PFKFB3: variants seen among roughly 807,000 people sequenced by gnomAD.
PFKFB3 encodes the protein 6-phosphofructo-2-kinase/fructose-2,6-bisphosphatase 3.
In PFKFB3, 33 loss-of-function variants were observed where a neutral mutation model predicts 68.0. The ratio of observed to expected loss-of-function variants is 0.49; its 90% CI spans 0.37 to 0.65. PFKFB3 has a LOEUF of 0.65. Ranked by LOEUF, PFKFB3 falls within the 30% of genes least tolerant of loss-of-function variation. PFKFB3 has a pLI of 0.00. For missense variants in PFKFB3, 586 were observed against 712.2 expected (o/e 0.82, Z 2.02); for synonymous variants, 315 against 288.2 (o/e 1.09, Z -0.94).
At chr10:6,161,205 G>T (rs1473560235) in intron 1 of PFKFB3, among the ~76,000 whole-genome samples, 1 of 152,166 alleles carries the variant, frequency 6.6e-6, no homozygotes, top group Non-Finnish European at 1.5e-5. Flanking sequence ...CAAAGTGCTG[G>T]AATTACAGGT....
At chr10:6,198,753 G>A (rs1843242322), upstream of PFKFB3, among the ~76,000 whole-genome samples, 1 of 152,252 alleles carries the variant, frequency 6.6e-6, no homozygotes, top group Admixed American at 6.5e-5. Context: ...AAAGTACTGG[G>A]ATTACAGGCG....
the PFKFB3 span, among the ~76,000 whole-genome samples, chr10:6,268,323 G>T: frequency 6.6e-6 from 1 of 152,132 alleles, no homozygotes; most frequent in African/African-American, 2.4e-5. Context: ...CTCATGCTAG[G>T]AACCTTTTTG....
chr10:6,208,267 G>T (rs925287653), intron 1 of PFKFB3, among the ~76,000 whole-genome samples: 2 of 151,082 alleles, frequency 1.3e-5, no homozygotes, highest in Admixed American at 6.6e-5. Flanking sequence ...CACAAACGGG[G>T]TCTCTCTATG....
chr10:6,203,481 C>A (rs1231486131), intron 1 of PFKFB3, 145 bp downstream of exon 1: 2 of 276,952 alleles, frequency 7.2e-6, no homozygotes, highest in Non-Finnish European at 1.2e-5. Context: ...GCGCGGGCTG[C>A]GCGTCCTTGG....
the PFKFB3 span, among the ~76,000 whole-genome samples, chr10:6,296,260 A>C: frequency 6.7e-6 from 1 of 149,958 alleles, no homozygotes; most frequent in South Asian, 2.1e-4. Context: ...GTAGACTGAG[A>C]TGTGTACCCA....
chr10:6,243,259 G>T (rs552753072), intron 14 of PFKFB3, among the ~76,000 whole-genome samples: 5 of 152,168 alleles, frequency 3.3e-5, no homozygotes, highest in Admixed American at 6.5e-5. Flanking sequence ...CGGAACTGCC[G>T]CACGTCCCAA....
downstream of PFKFB3, among the ~76,000 whole-genome samples, chr10:6,237,025 C>G (rs1846027732): frequency 1.3e-5 from 2 of 152,214 alleles, no homozygotes; most frequent in South Asian, 4.1e-4. Flanking sequence ...TTAGCTCCGG[C>G]CACACTGGCC....
chr10:6,263,941 C>A, the PFKFB3 span, among the ~76,000 whole-genome samples: 1 of 152,220 alleles, frequency 6.6e-6, no homozygotes, highest in African/African-American at 2.4e-5. Flanking sequence ...CAGCATTGGC[C>A]TCCCAAAGTG....
rs1423167555 is a variant in PFKFB3, at chr10:6,222,970, T to C, written c.1199T>C (p.Leu400Pro). 6.2e-7 allele frequency: 1 copy of C among 1,613,350 alleles called. No homozygotes were observed. ...AVLRCLLAYF[L>P]DKSAEEMPYL... ...CTGCGCTGCCTGCTTGCCTACTTCC[T>C]GGATAAGAGTGCAGGTACCTCGGGC... The change falls in exon 11 of 15, where the codon CTG becomes CCG. Residue 400 changes from leucine (L) to proline (P), a missense_variant. Leu to Pro is a moderately conservative substitution (Grantham distance 98). Transcript: ENST00000379775.
In PFKFB3 at chr10:6,173,526, C is replaced by T. The variant is rs116620144; in HGVS notation, c.16+28513C>T. Among the ~76,000 whole-genome samples the T allele has an allele frequency of 7.5e-3, 1,141 of 152,176 alleles. 22 individuals carry two copies. The highest frequency in any genetic ancestry group is 0.026 in the African/African-American group (1,086 of 41,498). The stretch of plus-strand genomic sequence containing the variant: ...CGGGAAACACACACCCCTTCCCCCA[C>T]CTATATATGCTCACGTGAAAAGGTG... On this transcript the variant is annotated intron_variant, in intron 1 of 14. Transcript: ENST00000379789.
rs1039138142 is a variant in PFKFB3, at chr10:6,154,173, G to A, written c.16+9160G>A. On this transcript the variant is annotated intron_variant, in intron 1 of 14. Transcript: ENST00000379789. This position sits in a 1 kb window ranked among gnomAD's most constrained non-coding sequence, Gnocchi z 4.6. ...GCTCAGCACGTCCTCATCTCCCATGGTAGGGCCTTGTTTGGCCTCTCAGCT... is the reference window on the plus strand; with the variant it reads ...GCTCAGCACGTCCTCATCTCCCATGATAGGGCCTTGTTTGGCCTCTCAGCT... Among the ~76,000 whole-genome samples the A allele has an allele frequency of 6.6e-6, 1 of 152,130 alleles. No homozygotes were observed. The highest frequency in any genetic ancestry group is 2.4e-5 in the African/African-American group (1 of 41,422).
At chr10:6,238,928 C>T (rs531193032), downstream of PFKFB3, among the ~76,000 whole-genome samples, 50 of 152,272 alleles carry the variant, frequency 3.3e-4, no homozygotes, top group African/African-American at 1.2e-3. Flanking sequence ...TATAGTATTC[C>T]ATGGTGTGTA....
At chr10:6,303,677 G>A in the PFKFB3 span, among the ~76,000 whole-genome samples, 3 of 151,896 alleles carry the variant, frequency 2.0e-5, no homozygotes, top group Non-Finnish European at 2.9e-5. Flanking sequence ...GCCGGGCGTG[G>A]TGGCAGGCGC....
rs1844375276 is a variant in PFKFB3, at chr10:6,213,614, T to C, written c.77-9T>C. The C allele has an allele frequency of 6.2e-7, 1 of 1,609,362 alleles. No individual in the cohort carries two copies. On this transcript the variant is annotated splice_polypyrimidine_tract_variant and intron_variant, in intron 1 of 14. Transcript: ENST00000379775. Reference sequence around the variant, plus strand: ...GTTGATGACACACCCTTCTTGCTTGTTTTTCCAGCCTGTGGGCCAAAGCTG... The same window carrying C: ...GTTGATGACACACCCTTCTTGCTTGCTTTTCCAGCCTGTGGGCCAAAGCTG...
chr10:6,223,027 GA>G (rs745535425), intron 11 of PFKFB3, 43 bp downstream of exon 11: 1 of 1,592,988 alleles, frequency 6.3e-7, no homozygotes, highest in South Asian at 1.1e-5. Context: ...GGGAGGAGGG[GA>G]CTGGCACTCG....
Position 6,228,170 on chromosome 10 carries a change from C to T in PFKFB3, c.1515+1805C>T. The T allele has an allele frequency of 6.2e-7, 1 of 1,612,698 alleles. No homozygotes were observed. The highest frequency in any genetic ancestry group is 8.5e-7 in the Non-Finnish European group (1 of 1,179,804). ...AGATTGCGCCCTGCCTCCTGACTGACTTCTCTCTCTGCTTCTCCTCCGCAG... is the reference window on the plus strand; with the variant it reads ...AGATTGCGCCCTGCCTCCTGACTGATTTCTCTCTCTGCTTCTCCTCCGCAG... On this transcript the variant is annotated intron_variant, in intron 14 of 14. Transcript: ENST00000379775. The surrounding 1 kb of genome is among the most constrained non-coding windows in gnomAD (Gnocchi z 4.5).
At chr10:6,165,831 T>C (rs1842117450) in intron 1 of PFKFB3, among the ~76,000 whole-genome samples, 1 of 152,044 alleles carries the variant, frequency 6.6e-6, no homozygotes, top group Admixed American at 6.6e-5. Flanking sequence ...GTTTTTTTTT[T>C]TGAGACAGAA....
chr10:6,218,171 G>A (rs753483412), intron 6 of PFKFB3, among the ~76,000 whole-genome samples: 7 of 152,198 alleles, frequency 4.6e-5, no homozygotes, highest in Admixed American at 2.6e-4. Flanking sequence ...ACAGCAGGGT[G>A]CAGCTGTGAA....
In PFKFB3 at chr10:6,224,277, C is replaced by T. The variant is rs565754260; in HGVS notation, c.1341+64C>T. On this transcript the variant is annotated intron_variant, in intron 13 of 14. Transcript: ENST00000379775. ...CACGATAGCCCTAGTGGGTGATGGG[C>T]GCTCAGGAGGCCCCGGGGCCGCTTG... 390 of 1,536,010 alleles carry T rather than the reference C, an allele frequency of 2.5e-4. 2 individuals carry two copies. Among genetic ancestry groups the T allele is most frequent in the South Asian group, 8.5e-4 (76 of 89,400 alleles).
Sources: allele counts gnomAD v4.1 joint callset (sites outside exome capture counted in the v4.1 genomes callset), GRCh38; gene constraint gnomAD v4.1.1; non-coding constraint Gnocchi (gnomAD v3.1); transcripts MANE v1.5; gene names NCBI Gene and HGNC (gene_info 2026-07-23, HGNC 2026-07-21).